Variants in CASP5 observed in about 807,000 individuals in gnomAD.
CASP5 encodes the protein caspase-5.
CASP5 carries 42 observed loss-of-function variants against 45.2 expected under a neutral mutation model. That is an observed-to-expected ratio of 0.93 (90% CI 0.73 to 1.20). The LOEUF (loss-of-function observed/expected upper bound fraction) is 1.20. Ranked by LOEUF, CASP5 falls within the 50% of genes most tolerant of loss-of-function variation. The pLI is 0.00. For missense variants in CASP5, 512 were observed against 532.2 expected, an observed-to-expected ratio of 0.96 and a Z score of 0.37; for synonymous variants, 209 against 186.2, an observed-to-expected ratio of 1.12 and a Z score of -1.00.
At chr11:105,013,714 G>A (rs946432235) in intron 1 of CASP5, among the ~76,000 whole-genome samples, 2 of 152,016 alleles carry the variant, frequency 1.3e-5, no homozygotes, top group African/African-American at 4.8e-5. Context: ...GTCCAAAAAT[G>A]AGACGTCACT....
In CASP5 at chr11:105,008,996, A is replaced by T; in HGVS notation, c.8-16T>A. The T allele has an allele frequency of 6.2e-7, 1 of 1,611,132 alleles. No homozygotes were observed. On this transcript the variant is annotated splice_polypyrimidine_tract_variant and intron_variant, in intron 1 of 9. Transcript: ENST00000260315. ...CCACTGTCTTCTATCAGAAATATAA[A>T]GACTCCTTCAACTCTGGGCACAGCT...
At position 104,997,408 on chromosome 11, in the gene CASP5, C is replaced by A. The variant is rs776071040; in HGVS notation, c.1181G>T (p.Cys394Phe). Reference sequence around the variant, plus strand: ...CTTCCGAAATATTTCCATTAGGTGGCAGCAGCAAGAATATTTCTGGAAGCA... The same window carrying A: ...CTTCCGAAATATTTCCATTAGGTGGAAGCAGCAAGAATATTTCTGGAAGCA... ...ITCFQKYSCC[C>F]HLMEIFRKVQ... The change falls in exon 8 of 10, where the codon TGC becomes TTC. Residue 394 changes from cysteine to phenylalanine, a missense_variant. By Grantham distance (205) the Cys-to-Phe change is radical. Coordinates refer to ENST00000260315, the MANE Select transcript of CASP5 (RefSeq NM_004347.5). 5.0e-6 allele frequency: 8 copies of A among 1,610,342 alleles called. No individual in the cohort carries two copies. The highest frequency in any genetic ancestry group is 4.2e-6 in the Non-Finnish European group (5 of 1,176,730).
At position 105,020,656 on chromosome 11, in the gene CASP5, G is replaced by A. The variant is rs541325048; in HGVS notation, c.7+2474C>T. Among the ~76,000 whole-genome samples, 850 of 151,940 alleles carry A rather than the reference G, an allele frequency of 5.6e-3. 5 individuals carry two copies. Among genetic ancestry groups the A allele is most frequent in the Non-Finnish European group, 7.5e-3 (512 of 67,952 alleles). ...CAAACCACTGCTCAAGGAAATAAAA[G>A]AGGGTACAAACAAATGGAAGAACAT... On this transcript the variant is annotated intron_variant, in intron 1 of 9. Coordinates refer to ENST00000260315, the MANE Select transcript of CASP5 (RefSeq NM_004347.5).
chr11:105,010,963 C>G (rs1862320140), intron 1 of CASP5, among the ~76,000 whole-genome samples: 1 of 151,752 alleles, frequency 6.6e-6, no homozygotes, highest in African/African-American at 2.4e-5. Context: ...AGAGCCCCAA[C>G]TCTTAAGTCA....
chr11:105,001,991 C>A (rs763544973), intron 5 of CASP5, 37 bp downstream of exon 5: 8 of 1,593,468 alleles, frequency 5.0e-6, no homozygotes, highest in Non-Finnish European at 6.8e-6. Context: ...ATCTGTGTTG[C>A]CTATGGATGA....
intron 1 of CASP5, among the ~76,000 whole-genome samples, chr11:105,012,570 T>C (rs1862402262): frequency 1.3e-5 from 2 of 151,692 alleles, no homozygotes; most frequent in South Asian, 2.1e-4. Context: ...CACAATTCAA[T>C]AGGAAGAAAA....
At position 105,002,188 on chromosome 11, in the gene CASP5, T is replaced by C. The variant is rs761565883; in HGVS notation, c.557A>G (p.Lys186Arg). The change falls in exon 5 of 10, where the codon AAA (lysine) becomes AGA (arginine). Residue 186 changes from lysine (K) to arginine (R), a missense_variant. Transcript: ENST00000260315. ...CAGGCGTCTGCGGTCCTCTCTCTTT[T>C]TTATTGGATAGATCTGCAGGAGATG... ...KKNHDEIYPI[K>R]KREDRRRLAL... is the part of the protein sequence containing the mutation. 6.2e-7 allele frequency: 1 copy of C among 1,614,062 alleles called. No individual in the cohort carries two copies. Among genetic ancestry groups the C allele is most frequent in the Non-Finnish European group, 8.5e-7 (1 of 1,179,988 alleles).
At chr11:105,012,167 G>T (rs1862382391) in intron 1 of CASP5, among the ~76,000 whole-genome samples, 1 of 151,668 alleles carries the variant, frequency 6.6e-6, no homozygotes, top group African/African-American at 2.4e-5. Flanking sequence ...AAAGTTTCAA[G>T]AACAGACAAT....
At chr11:105,018,790 C>T (rs1333412412) in intron 1 of CASP5, among the ~76,000 whole-genome samples, 14 of 140,076 alleles carry the variant, frequency 1.0e-4, no homozygotes, top group Non-Finnish European at 1.6e-5. Context: ...GAACTCAGCT[C>T]TGCACCAAGC....
In CASP5 at chr11:104,997,388, G is replaced by A. The variant is rs867070721; in HGVS notation, c.1201C>T (p.Arg401Trp). 11 of 1,598,944 alleles carry A rather than the reference G, an allele frequency of 6.9e-6. No homozygotes were observed. The highest frequency in any genetic ancestry group is 1.3e-5 in the African/African-American group (1 of 74,746). ...SCCCHLMEIFRKVQKSFEVPQ... is the reference protein window; with the variant it reads ...SCCCHLMEIFWKVQKSFEVPQ... ...AAAAGGAAATGGAAGCTTACCTTCC[G>A]AAATATTTCCATTAGGTGGCAGCAG... The change falls in exon 8 of 10, where the codon CGG (arginine) becomes TGG (tryptophan). Residue 401 changes from arginine to tryptophan, a missense_variant. Transcript: ENST00000260315.
In CASP5 at chr11:105,018,647, T is replaced by A. The variant is rs1591179369; in HGVS notation, c.7+4483A>T. On this transcript the variant is annotated intron_variant, in intron 1 of 9. Transcript: ENST00000260315. ...GCACCCAATACAGGAGCACCCAGAT[T>A]CATAAAGCAAGTCCTGAGTGACCTA... Among the ~76,000 whole-genome samples, 11 of 142,954 alleles carry A rather than the reference T, an allele frequency of 7.7e-5. No homozygotes were observed. The East Asian group carries it at 2.2e-3, about 29-fold the overall frequency. The allele number at this position is 142,954 out of a possible 152,430, so 93.8% of individuals were successfully genotyped here. A position where few individuals can be genotyped will look rare whatever the true frequency, so the allele number is the denominator to read the frequency against.
chr11:105,019,516 T>C lies in CASP5; in HGVS notation c.7+3614A>G, dbSNP rs1040349087. On this transcript the variant is annotated intron_variant, in intron 1 of 9. Coordinates refer to ENST00000260315, the MANE Select transcript of CASP5 (RefSeq NM_004347.5). ...AGAAATACAAACTACCATCAGAGAA[T>C]ACTACAAACACCTCTACGCAAATAA... 5.6e-3 allele frequency among the ~76,000 whole-genome samples: 843 copies of C among 151,318 alleles called. 7 individuals are homozygous for C. The highest frequency in any genetic ancestry group is 9.0e-3 in the Non-Finnish European group (611 of 67,766).
chr11:105,000,424 T>G lies in CASP5; in HGVS notation c.789A>C (p.Val263=). The part of the protein sequence containing the change: ...EHKSSDSTFL[V]LMSHGILEGI... ...CCTCTAGGATGCCATGAGACATGAG[T>G]ACCAAGAACGTGCTGTCAGAGGACT... The change falls in exon 6 of 10, where the codon GTA becomes GTC. Residue 263 remains valine (V), a synonymous_variant. Coordinates refer to ENST00000260315, the MANE Select transcript of CASP5 (RefSeq NM_004347.5). 1 of 1,614,152 alleles carries G rather than the reference T, an allele frequency of 6.2e-7. No individual in the cohort carries two copies. Among genetic ancestry groups the G allele is most frequent in the Non-Finnish European group, 8.5e-7 (1 of 1,180,010 alleles).
chr11:105,019,960 G>C (rs903578889), intron 1 of CASP5, among the ~76,000 whole-genome samples: 11 of 145,588 alleles, frequency 7.6e-5, no homozygotes, highest in African/African-American at 2.7e-4. Context: ...TATCCACCAT[G>C]ATCAAGGGGG....
At chr11:105,003,007 G>A (rs1861817815) in intron 4 of CASP5, among the ~76,000 whole-genome samples, 1 of 150,058 alleles carries the variant, frequency 6.7e-6, no homozygotes, top group African/African-American at 2.5e-5. Flanking sequence ...GAACAGACTG[G>A]ACAACATAGG....
chr11:105,016,971 A>C (rs1862644453), intron 1 of CASP5, among the ~76,000 whole-genome samples: 1 of 150,410 alleles, frequency 6.6e-6, no homozygotes, highest in Admixed American at 6.6e-5. Context: ...GAACGGGCAG[A>C]CTGCCTCCTC....
chr11:104,997,691 C>T (rs1024359516), intron 7 of CASP5, among the ~76,000 whole-genome samples, 199 bp from the exon 8 acceptor site: 42 of 152,158 alleles, frequency 2.8e-4, no homozygotes, highest in African/African-American at 9.9e-4. Context: ...GTAAGTATTG[C>T]AAGAGATTGC....
In CASP5 at chr11:105,002,151, TATG is replaced by T; in HGVS notation, c.591_593del (p.Ile198del). On this transcript the variant is annotated inframe_deletion, in exon 5 of 10. Coordinates refer to ENST00000260315, the MANE Select transcript of CASP5 (RefSeq NM_004347.5). The stretch of plus-strand genomic sequence containing the variant: ...GCAGGTGATCAAACTTTGTATTGCA[TATG>T]ATGAGAGCCAGGCGTCTGCGGTCCT... 6.2e-7 allele frequency: 1 copy of T among 1,614,138 alleles called. No individual in the cohort carries two copies. Among genetic ancestry groups the T allele is most frequent in the Non-Finnish European group, 8.5e-7 (1 of 1,180,016 alleles).
intron 1 of CASP5, among the ~76,000 whole-genome samples, chr11:105,010,355 A>G (rs1307439624): frequency 6.7e-6 from 1 of 150,276 alleles, no homozygotes; most frequent in African/African-American, 2.4e-5. Flanking sequence ...AATTATCATT[A>G]TTATTAACAA....
Sources: gnomAD v4.1 joint callset for allele counts (sites outside exome capture counted in the v4.1 genomes callset) on GRCh38, gnomAD v4.1.1 for gene constraint, MANE v1.5 for transcripts, NCBI Gene and HGNC (gene_info 2026-07-23, HGNC 2026-07-21) for gene names.